CNTNAP3B: variants seen among roughly 807,000 people sequenced by gnomAD.
The protein encoded by CNTNAP3B is contactin-associated protein-like 3B.
CNTNAP3B carries 25 observed loss-of-function variants against 108.9 expected under a neutral mutation model. The observed-to-expected ratio is 0.23, with a 90% confidence interval of 0.17 to 0.32. The LOEUF is 0.32. Among genes scored for constraint, CNTNAP3B ranks in the 10% least tolerant of loss-of-function variants. The probability of loss-of-function intolerance (pLI) is 1.00; values close to 1 mark genes in which losing one functional copy is unlikely to be tolerated. For missense variants in CNTNAP3B, 252 were observed against 1,210.4 expected (o/e 0.21, Z 11.75); for synonymous variants, 103 against 473.4 (o/e 0.22, Z 10.16).
At chr9:41,933,177 T>A (rs1275419041) in intron 14 of CNTNAP3B, among the ~76,000 whole-genome samples, 2 of 152,172 alleles carry the variant, frequency 1.3e-5, no homozygotes, top group Non-Finnish European at 2.9e-5. Context: ...TAAAAGAGGG[T>A]ATCTCAACAG....
intron 3 of CNTNAP3B, among the ~76,000 whole-genome samples, chr9:42,042,115 G>A: frequency 7.0e-6 from 1 of 142,236 alleles, no homozygotes; most frequent in Non-Finnish European, 1.5e-5. Context: ...ATAGCATTAG[G>A]AGATATACCT....
In CNTNAP3B at chr9:41,953,274, C is replaced by G. The variant is rs773429427; in HGVS notation, c.1989G>C (p.Ala663=). The G allele has an allele frequency of 1.3e-6, 2 of 1,527,648 alleles. No individual in the cohort carries two copies. The highest frequency in any genetic ancestry group is 2.4e-5 in the South Asian group (2 of 83,258). The allele number at this position is 1,527,648 out of a possible 1,614,324, so 94.6% of individuals were successfully genotyped here. A position where few individuals can be genotyped will look rare whatever the true frequency, so the allele number is the denominator to read the frequency against. ...SAVSFAYAAG[A]GQLRAAVNLA... ...GGTTCACCGCGGCCCGCAGCTGCCC[C>G]GCGCCCGCTGCGTACGCGAAGGACA... Residue 663 remains alanine (A), a synonymous_variant, in exon 13 of 24, where the codon GCG becomes GCC. Coordinates refer to ENST00000377561, the MANE Select transcript of CNTNAP3B (RefSeq NM_001201380.3).
chr9:41,996,380 T>C, intron 6 of CNTNAP3B, 32 bp from the exon 7 acceptor site: 1 of 1,389,860 alleles, frequency 7.2e-7, no homozygotes, highest in Non-Finnish European at 9.7e-7. Flanking sequence ...AATAACATTG[T>C]TTAGTGATTT....
chr9:41,962,850 G>T (rs1825144105), intron 11 of CNTNAP3B, among the ~76,000 whole-genome samples: 1 of 152,144 alleles, frequency 6.6e-6, no homozygotes, highest in Non-Finnish European at 1.5e-5. Context: ...AGGTACTCGG[G>T]AGGCTGAGGC....
chr9:42,053,865 C>A (rs1448212989), intron 3 of CNTNAP3B, among the ~76,000 whole-genome samples: 1 of 145,476 alleles, frequency 6.9e-6, no homozygotes, highest in Non-Finnish European at 1.5e-5. Flanking sequence ...TTTGAGACAG[C>A]GATGCGCTGC....
intron 3 of CNTNAP3B, among the ~76,000 whole-genome samples, chr9:42,072,880 C>A (rs1419361021): frequency 6.2e-5 from 8 of 129,474 alleles, no homozygotes; most frequent in Non-Finnish European, 1.1e-4. Context: ...AAAGGTCATA[C>A]TGTGTATACA....
chr9:42,058,371 C>T (rs1343873433), intron 3 of CNTNAP3B, among the ~76,000 whole-genome samples: 1 of 151,218 alleles, frequency 6.6e-6, no homozygotes, highest in Non-Finnish European at 1.5e-5. Flanking sequence ...TCTTCATCGA[C>T]ACTTGTTATC....
chr9:41,944,328 AAAT>A (rs1824457119), intron 13 of CNTNAP3B, among the ~76,000 whole-genome samples: 1 of 146,330 alleles, frequency 6.8e-6, no homozygotes, highest in Admixed American at 6.9e-5. Flanking sequence ...TAACAGCTCT[AAAT>A]AATACTAACA....
At chr9:41,953,123 C>T in intron 13 of CNTNAP3B, 60 bp downstream of exon 13, 2 of 1,448,614 alleles carry the variant, frequency 1.4e-6, no homozygotes, top group South Asian at 1.3e-5. Flanking sequence ...AGGCATCTCG[C>T]AGCCCGAGGG....
intron 1 of CNTNAP3B, among the ~76,000 whole-genome samples, chr9:42,117,825 T>A (rs1828354251): frequency 7.3e-6 from 1 of 137,300 alleles, no homozygotes; most frequent in African/African-American, 2.9e-5. Context: ...ATAGAAACAA[T>A]AAAAAATGAC....
At position 41,919,474 on chromosome 9, in the gene CNTNAP3B, C is replaced by T. The variant is rs1478114695; in HGVS notation, c.2995+596G>A. On this transcript the variant is annotated intron_variant, in intron 18 of 23. Coordinates refer to ENST00000377561, the MANE Select transcript of CNTNAP3B (RefSeq NM_001201380.3). ...AGCTGTGTGATACCCCACTGCACTC[C>T]TCTAAGAAGAGTCAAACATCATAGA... 4.6e-5 allele frequency among the ~76,000 whole-genome samples: 7 copies of T among 152,390 alleles called. No homozygotes were observed. The East Asian group carries it at 1.4e-3, about 30-fold the overall frequency.
chr9:41,990,329 G>A (rs1159745897), intron 8 of CNTNAP3B, among the ~76,000 whole-genome samples: 15 of 126,472 alleles, frequency 1.2e-4, no homozygotes, highest in Admixed American at 5.8e-4. Flanking sequence ...AATCTTATTC[G>A]TGAGGAAATG....
Position 42,110,712 on chromosome 9 carries a change from G to A in CNTNAP3B, c.86-5973C>T, listed in dbSNP as rs1305777427. 3.7e-5 allele frequency among the ~76,000 whole-genome samples: 5 copies of A among 136,722 alleles called. 1 individual carries two copies. The highest frequency in any genetic ancestry group is 4.5e-4 in the East Asian group (2 of 4,470). The allele number at this position is 136,722 out of a possible 152,430, so 89.7% of individuals were successfully genotyped here. A position where few individuals can be genotyped will look rare whatever the true frequency, so the allele number is the denominator to read the frequency against. ...GGTGCCCATACCTTCTTCAGGCCAC[G>A]TCTGGATGTTCATCTGGATACGGCG... On this transcript the variant is annotated intron_variant, in intron 1 of 23. Transcript: ENST00000377561.
chr9:41,944,330 A>G (rs1333950534), intron 13 of CNTNAP3B, among the ~76,000 whole-genome samples: 2 of 146,298 alleles, frequency 1.4e-5, no homozygotes, highest in Non-Finnish European at 3.0e-5. Context: ...ACAGCTCTAA[A>G]TAATACTAAC....
chr9:42,036,102 C>G (rs556025746), intron 3 of CNTNAP3B, among the ~76,000 whole-genome samples: 36 of 149,882 alleles, frequency 2.4e-4, no homozygotes, highest in African/African-American at 8.7e-4. Flanking sequence ...AGGGAGACTC[C>G]GTCTCAAAAA....
intron 3 of CNTNAP3B, among the ~76,000 whole-genome samples, chr9:42,032,943 C>A (rs1826549025): frequency 7.0e-6 from 1 of 142,026 alleles, no homozygotes; most frequent in South Asian, 2.3e-4. Flanking sequence ...ACTCTTATGA[C>A]CTTATTTAAC....
chr9:41,916,446 GATT>G, intron 18 of CNTNAP3B, among the ~76,000 whole-genome samples: 1 of 151,634 alleles, frequency 6.6e-6, no homozygotes, highest in Non-Finnish European at 1.5e-5. Flanking sequence ...TGTAGATTCA[GATT>G]ATTGTCTGGG....
chr9:41,990,018 C>G (rs1306017860), intron 8 of CNTNAP3B, among the ~76,000 whole-genome samples: 1 of 137,926 alleles, frequency 7.3e-6, no homozygotes, highest in African/African-American at 2.8e-5. Flanking sequence ...TGTCCTTTAT[C>G]TTTAGAACAT....
intron 13 of CNTNAP3B, among the ~76,000 whole-genome samples, chr9:41,943,711 T>G (rs1824435753): frequency 6.7e-6 from 1 of 149,948 alleles, no homozygotes; most frequent in Non-Finnish European, 1.5e-5. Flanking sequence ...ATACCAGAAG[T>G]AGAAGGAAGA....
Sources: allele counts gnomAD v4.1 joint callset (sites outside exome capture counted in the v4.1 genomes callset), GRCh38; gene constraint gnomAD v4.1.1; transcripts MANE v1.5; gene names NCBI Gene and HGNC (gene_info 2026-07-23, HGNC 2026-07-21).